The following NEU3 variants were observed in gnomAD, a reference collection of about 807,000 sequenced individuals.
The protein encoded by NEU3 is sialidase-3.
Under a neutral mutation model 11.4 loss-of-function variants are expected in NEU3, and 10 were observed. The ratio of observed to expected loss-of-function variants is 0.88; its 90% CI spans 0.54 to 1.49. The LOEUF (loss-of-function observed/expected upper bound fraction) is 1.49. NEU3 is among the 40% of genes most tolerant of loss of function. The pLI is 0.00. For missense variants in NEU3, 529 were observed against 581.8 expected (o/e 0.91, Z 0.93); for synonymous variants, 212 against 228.2 (o/e 0.93, Z 0.64).
chr11:74,990,505 T>C (rs1565492583), intron 1 of NEU3, among the ~76,000 whole-genome samples: 1 of 152,144 alleles, frequency 6.6e-6, no homozygotes, highest in Non-Finnish European at 1.5e-5. Flanking sequence ...TACAGGTGGA[T>C]GCCACCATGC....
chr11:74,994,471 G>T, intron 1 of NEU3, 38 bp from the exon 2 acceptor site: 1 of 1,518,060 alleles, frequency 6.6e-7, no homozygotes, highest in Non-Finnish European at 9.0e-7. Context: ...CCAGCATCTG[G>T]GTATGGACAC....
the NEU3 span, among the ~76,000 whole-genome samples, chr11:74,982,948 T>A: frequency 6.6e-6 from 1 of 152,170 alleles, no homozygotes; most frequent in Admixed American, 6.5e-5. Flanking sequence ...ATTTCTTGGC[T>A]GTGATCTCCA....
In NEU3 at chr11:75,006,555, C is replaced by G; in HGVS notation, c.*63C>G. 6.6e-7 allele frequency: 1 copy of G among 1,506,662 alleles called. No individual in the cohort carries two copies. The highest frequency in any genetic ancestry group is 1.3e-5 in the South Asian group (1 of 76,582). 93.3% of individuals were successfully genotyped at this position (1,506,662 alleles called of 1,614,324 possible). On this transcript the variant is annotated 3_prime_UTR_variant, in exon 3 of 3. Coordinates refer to ENST00000294064, the MANE Select transcript of NEU3 (RefSeq NM_006656.6). ...GTTACAGACAGGTTAACAGAAGCTACTGAAGTCTACAGATAATCAAAAAAC... is the reference window on the plus strand; with the variant it reads ...GTTACAGACAGGTTAACAGAAGCTAGTGAAGTCTACAGATAATCAAAAAAC...
At chr11:74,988,670 A>C (rs1948693268), upstream of NEU3, 1 of 266,076 alleles carries the variant, frequency 3.8e-6, no homozygotes, top group Non-Finnish European at 7.2e-6. Context: ...CTACAGACCA[A>C]TATAAGAGCT....
chr11:74,993,159 G>A (rs889557235), intron 1 of NEU3, among the ~76,000 whole-genome samples: 9 of 152,182 alleles, frequency 5.9e-5, no homozygotes, highest in Non-Finnish European at 1.0e-4. Context: ...CTATAGGTCC[G>A]CATGGGTTAG....
rs1948936734 is a variant in NEU3, at chr11:75,009,685, A to G, written c.*3193A>G. On this transcript the variant is annotated 3_prime_UTR_variant, in exon 3 of 3. Coordinates refer to ENST00000294064, the MANE Select transcript of NEU3 (RefSeq NM_006656.6). ...CCTTGGACTCAGAATGGATCCTTCC[A>G]GCACACATGGCCCAACACTGAGAGT... The G allele has an allele frequency of 6.6e-6, 1 of 152,298 alleles. No homozygotes were observed. Among genetic ancestry groups the G allele is most frequent in the Non-Finnish European group, 1.5e-5 (1 of 68,144 alleles). The allele number at this position is 152,298 out of a possible 1,614,324, so 9.4% of individuals were successfully genotyped here.
intron 3 of NEU3, among the ~76,000 whole-genome samples, chr11:75,018,306 T>C (rs1047099176): frequency 1.3e-5 from 2 of 152,096 alleles, no homozygotes; most frequent in African/African-American, 4.8e-5. Flanking sequence ...CTTGATTGGA[T>C]TGAGAGATGC....
chr11:75,002,315 T>C (rs1948853625), intron 2 of NEU3, among the ~76,000 whole-genome samples: 1 of 152,272 alleles, frequency 6.6e-6, no homozygotes, highest in Non-Finnish European at 1.5e-5. Context: ...GTCTATGATC[T>C]GCGCCTGCTT....
chr11:75,013,260 G>T (rs2140258481), downstream of NEU3, among the ~76,000 whole-genome samples: 1 of 152,318 alleles, frequency 6.6e-6, no homozygotes, highest in South Asian at 2.1e-4. Context: ...CCAGAGAGTG[G>T]TGTAGATCTG....
At chr11:75,019,564 C>A (rs1003008102), downstream of NEU3, among the ~76,000 whole-genome samples, 10 of 152,162 alleles carry the variant, frequency 6.6e-5, no homozygotes, top group Admixed American at 2.6e-4. Flanking sequence ...TTATTTTTTC[C>A]TATAGTAATC....
rs1422213133 is a variant in NEU3, at chr11:75,006,235, G to C, written c.1129G>C (p.Gly377Arg). The C allele has an allele frequency of 6.2e-7, 1 of 1,613,844 alleles. No individual in the cohort carries two copies. The highest frequency in any genetic ancestry group is 8.5e-7 in the Non-Finnish European group (1 of 1,179,900). Residue 377 changes from glycine to arginine, a missense_variant, in exon 3 of 3, where the codon GGT becomes CGT. Gly to Arg is a moderately radical substitution (Grantham distance 125). Coordinates refer to ENST00000294064, the MANE Select transcript of NEU3 (RefSeq NM_006656.6). ...PTSRKQRVDL[G>R]IYLNQTPLEA... ...CAGTAGGAAACAGAGGGTTGACCTA[G>C]GTATCTATCTCAACCAGACCCCCTT...
the NEU3 span, among the ~76,000 whole-genome samples, chr11:74,982,620 C>T: frequency 7.9e-5 from 12 of 152,078 alleles, no homozygotes; most frequent in African/African-American, 2.2e-4. Context: ...TTTACAGCTC[C>T]GTTCAATATA....
At chr11:74,989,814 C>A in intron 1 of NEU3, 1 of 567,330 alleles carries the variant, frequency 1.8e-6, no homozygotes, top group Non-Finnish European at 3.1e-6. Context: ...CTTCAGAGTC[C>A]ATGCTAGGCT....
chr11:75,017,556 G>A (rs781419258), intron 3 of NEU3, among the ~76,000 whole-genome samples: 19 of 152,166 alleles, frequency 1.2e-4, no homozygotes, highest in Non-Finnish European at 2.4e-4. Context: ...GTAGACCTTG[G>A]GAAATCCTGA....
At chr11:75,002,318 G>A (rs368576526) in intron 2 of NEU3, among the ~76,000 whole-genome samples, 35 of 152,214 alleles carry the variant, frequency 2.3e-4, no homozygotes, top group Non-Finnish European at 3.5e-4. Flanking sequence ...TATGATCTGC[G>A]CCTGCTTAAT....
downstream of NEU3, among the ~76,000 whole-genome samples, chr11:75,015,602 G>C (rs997465411): frequency 6.6e-6 from 1 of 152,140 alleles, no homozygotes; most frequent in East Asian, 1.9e-4. Context: ...AAGTAATGCC[G>C]ATGCTGCAGG....
At chr11:74,997,468 T>C (rs1948800134) in intron 2 of NEU3, among the ~76,000 whole-genome samples, 1 of 152,220 alleles carries the variant, frequency 6.6e-6, no homozygotes. Context: ...TCCAGACCTC[T>C]AAAGCTTTCT....
At chr11:74,986,825 T>C (rs1948668839), upstream of NEU3, among the ~76,000 whole-genome samples, 1 of 152,212 alleles carries the variant, frequency 6.6e-6, no homozygotes. Context: ...ATTTATTCTG[T>C]TCTTCCTTTT....
Position 75,009,769 on chromosome 11 carries a change from C to T in NEU3, c.*3277C>T, listed in dbSNP as rs191817721. 16 of 152,324 alleles carry T rather than the reference C, an allele frequency of 1.1e-4. No individual in the cohort carries two copies. Among genetic ancestry groups the T allele is most frequent in the African/African-American group, 3.6e-4 (15 of 41,560 alleles). The allele number at this position is 152,324 out of a possible 1,614,324, so 9.4% of individuals were successfully genotyped here. On this transcript the variant is annotated 3_prime_UTR_variant, in exon 3 of 3. Coordinates refer to ENST00000294064, the MANE Select transcript of NEU3 (RefSeq NM_006656.6). ...GTATGTACCCAGGCCAGCCTCCTGCCGACACAGCCTACTGGCTGGGTTCAT... is the reference window on the plus strand; with the variant it reads ...GTATGTACCCAGGCCAGCCTCCTGCTGACACAGCCTACTGGCTGGGTTCAT...
Sources: allele counts gnomAD v4.1 joint callset (sites outside exome capture counted in the v4.1 genomes callset), GRCh38; gene constraint gnomAD v4.1.1; transcripts MANE v1.5; gene names NCBI Gene and HGNC (gene_info 2026-07-23, HGNC 2026-07-21).